Variants in IQCE observed in about 807,000 individuals in gnomAD.
IQCE encodes IQ domain-containing protein E.
IQCE carries 115 observed loss-of-function variants against 96.0 expected under a neutral mutation model. The observed-to-expected ratio is 1.20, with a 90% CI of 1.03 to 1.40. The LOEUF is 1.40. Among genes scored for constraint, IQCE ranks in the 40% most tolerant of loss-of-function variants. IQCE has a pLI of 0.00. For missense variants in IQCE, 1,041 were observed against 909.1 expected (o/e 1.15, Z -1.87); for synonymous variants, 412 against 371.2 (o/e 1.11, Z -1.26).
At chr7:2,600,290 G>A (rs539984957) in intron 17 of IQCE, among the ~76,000 whole-genome samples, 2 of 152,296 alleles carry the variant, frequency 1.3e-5, no homozygotes, top group African/African-American at 2.4e-5. Flanking sequence ...GTCTCACGTC[G>A]AGGCTGTGTA....
chr7:2,584,360 T>C, intron 11 of IQCE, 75 bp downstream of exon 11: 1 of 1,391,320 alleles, frequency 7.2e-7, no homozygotes, highest in Non-Finnish European at 1.0e-6. Flanking sequence ...AATGTGTGGC[T>C]GTCACGTGGG....
Position 2,598,611 on chromosome 7 carries a change from G to T in IQCE, c.1587G>T (p.Gln529His), listed in dbSNP as rs1158730650. Residue 529 changes from glutamine to histidine, a missense_variant, in exon 17 of 22, where the codon CAG becomes CAT. Physicochemically the swap from Gln to His is conservative, Grantham distance 24 (BLOSUM62 0). Transcript: ENST00000402050. ...RDAAARVLQAQWKVYKHKKKK... is the reference protein window; with the variant it reads ...RDAAARVLQAHWKVYKHKKKK... Reference sequence around the variant, plus strand: ...CCGCGGCCAGAGTCCTGCAGGCCCAGTGGAAGGTGTACAAGCACAAGGTGA... The same window carrying T: ...CCGCGGCCAGAGTCCTGCAGGCCCATTGGAAGGTGTACAAGCACAAGGTGA... The T allele has an allele frequency of 6.3e-7, 1 of 1,581,428 alleles. No individual in the cohort carries two copies. Among genetic ancestry groups the T allele is most frequent in the African/African-American group, 1.4e-5 (1 of 73,574 alleles).
chr7:2,604,657 G>A (rs1303523079), intron 18 of IQCE, among the ~76,000 whole-genome samples: 1 of 152,198 alleles, frequency 6.6e-6, no homozygotes, highest in Non-Finnish European at 1.5e-5. Context: ...CCACTGTGCT[G>A]ACAGGTGCCA....
Position 2,605,912 on chromosome 7 carries a change from C to T in IQCE, c.1780C>T (p.Gln594Ter), listed in dbSNP as rs752730275. 21 of 1,608,186 alleles carry T rather than the reference C, an allele frequency of 1.3e-5. No individual in the cohort carries two copies. The highest frequency in any genetic ancestry group is 1.7e-5 in the Non-Finnish European group (20 of 1,178,112). The change falls in exon 20 of 22, where the codon CAG becomes TAG. Residue 594 changes from glutamine (Q) to a stop codon, truncating the protein, a stop_gained. Transcript: ENST00000402050. LOFTEE classifies it high-confidence loss of function. ...PVPRVPSPIA[Q>*]ATGSPVQEEA... is the part of the protein sequence containing the mutation. ...GCCCCGCGTTCCGAGCCCCATCGCC[C>T]AGGCCACGGGCAGCCCTGTGCAGGA...
At chr7:2,587,046 A>G (rs1347480977) in intron 12 of IQCE, among the ~76,000 whole-genome samples, 1 of 152,200 alleles carries the variant, frequency 6.6e-6, no homozygotes, top group African/African-American at 2.4e-5. Flanking sequence ...TGGGGGCAGC[A>G]GTGGGTGTGG....
At chr7:2,567,081 C>T (rs768173791) in intron 1 of IQCE, 35 bp from the exon 2 acceptor site, 1 of 1,595,466 alleles carries the variant, frequency 6.3e-7, no homozygotes. Context: ...CCAGCAGGTG[C>T]CGTCGAGTTA....
intron 1 of IQCE, among the ~76,000 whole-genome samples, chr7:2,560,685 C>T (rs1395677044): frequency 4.0e-5 from 6 of 150,518 alleles, no homozygotes; most frequent in South Asian, 2.3e-4. Flanking sequence ...TGGCCGGGCA[C>T]GGCGGCTCAT....
chr7:2,572,878 C>T, intron 5 of IQCE: 1 of 380,342 alleles, frequency 2.6e-6, no homozygotes, highest in Non-Finnish European at 5.1e-6. Flanking sequence ...ACCTATCCTC[C>T]TTAAGGAAGA....
intron 21 of IQCE, among the ~76,000 whole-genome samples, chr7:2,609,789 G>A (rs1279252220): frequency 1.3e-5 from 2 of 151,876 alleles, no homozygotes; most frequent in African/African-American, 4.8e-5. Flanking sequence ...CTTTCTGGCA[G>A]GTGTGTAAGT....
At chr7:2,583,817 GCGGCGGGGCGGGCACCGAGC>G (rs1782873089) in intron 10 of IQCE, 108 bp downstream of exon 10, 2 of 109,430 alleles carry the variant, frequency 1.8e-5, no homozygotes, top group African/African-American at 7.0e-5. Flanking sequence ...ACCGTGCTGG[GCGGCGGGGCGGGCACCGAGC>G]TGGGCGGCGG....
At chr7:2,596,780 G>A (rs1158183284) in intron 16 of IQCE, 28 of 348,258 alleles carry the variant, frequency 8.0e-5, no homozygotes, top group African/African-American at 1.1e-4. Context: ...TCACTTTAGC[G>A]GAACAGAGGC....
intron 18 of IQCE, among the ~76,000 whole-genome samples, 192 bp from the exon 19 acceptor site, chr7:2,604,689 C>T (rs1021349899): frequency 3.9e-5 from 6 of 152,200 alleles, no homozygotes; most frequent in Non-Finnish European, 7.3e-5. Flanking sequence ...CTCCCTGGGG[C>T]GCCAGTGAGT....
rs1329404382 is a variant in IQCE, at chr7:2,578,291, G to C, written c.515G>C (p.Arg172Pro). ...SDVDLMRTKL[R>P]RLEEENSRKD... ...GTGGACCTGATGAGAACGAAGCTCCGGCGCCTGGAGGAGGAAAACAGCAGG... is the reference window on the plus strand; with the variant it reads ...GTGGACCTGATGAGAACGAAGCTCCCGCGCCTGGAGGAGGAAAACAGCAGG... Residue 172 changes from arginine (R) to proline (P), a missense_variant, in exon 7 of 22, where the codon CGG (arginine) becomes CCG (proline). By Grantham distance (103) the Arg-to-Pro change is moderately radical. Coordinates refer to ENST00000402050, the MANE Select transcript of IQCE (RefSeq NM_152558.5). The C allele has an allele frequency of 7.4e-6, 12 of 1,613,964 alleles. No homozygotes were observed. The highest frequency in any genetic ancestry group is 3.3e-5 in the Admixed American group (2 of 60,008).
Position 2,598,521 on chromosome 7 carries a change from G to A in IQCE, c.1497G>A (p.Pro499=), listed in dbSNP as rs374670751. 1.0e-4 allele frequency: 162 copies of A among 1,610,716 alleles called. No homozygotes were observed. The highest frequency in any genetic ancestry group is 5.0e-4 in the Middle Eastern group (3 of 6,044). ...GCAGGCACTGCGAGCAAGACTGGCC[G>A]CCGGATTCCAGCGAGGAGGGGCTCC... ...PSSRHCEQDW[P]PDSSEEGLPR... Residue 499 remains proline, a synonymous_variant, in exon 17 of 22, where the codon CCG becomes CCA. Coordinates refer to ENST00000402050, the MANE Select transcript of IQCE (RefSeq NM_152558.5).
At chr7:2,578,569 A>T (rs761019023) in intron 8 of IQCE, 43 bp downstream of exon 8, 1 of 1,605,336 alleles carries the variant, frequency 6.2e-7, no homozygotes, top group African/African-American at 1.3e-5. Context: ...CCCAGACGCT[A>T]GTTACTGGGG....
chr7:2,571,125 C>T (rs567884426), intron 3 of IQCE, among the ~76,000 whole-genome samples: 2 of 152,254 alleles, frequency 1.3e-5, no homozygotes, highest in South Asian at 4.1e-4. Context: ...TCAAGAGATC[C>T]TCCTGCCTCA....
At chr7:2,597,626 A>G (rs117939434) in intron 16 of IQCE, among the ~76,000 whole-genome samples, 2,147 of 152,258 alleles carry the variant, frequency 0.014, 22 homozygotes, top group Non-Finnish European at 0.023. Flanking sequence ...GTAGTGTCCT[A>G]TGGATGATAC....
Position 2,568,898 on chromosome 7 carries a change from G to A in IQCE, c.85-56G>A, listed in dbSNP as rs555132443. 6.3e-5 allele frequency: 95 copies of A among 1,502,840 alleles called. No individual in the cohort carries two copies. The South Asian group carries it at 9.0e-4, about 14-fold the overall frequency. 93.1% of individuals were successfully genotyped at this position (1,502,840 alleles called of 1,614,324 possible). A position where few individuals can be genotyped will look rare whatever the true frequency, so the allele number is the denominator to read the frequency against. On this transcript the variant is annotated intron_variant, in intron 2 of 21. Coordinates refer to ENST00000402050, the MANE Select transcript of IQCE (RefSeq NM_152558.5). ...CCCTTTCTGAACATGGTAGGGTCTT[G>A]TGATGCACCACTGTGGGAGCTCAGC...
intron 13 of IQCE, among the ~76,000 whole-genome samples, chr7:2,589,582 C>G (rs1012669195): frequency 6.6e-6 from 1 of 152,072 alleles, no homozygotes; most frequent in Non-Finnish European, 1.5e-5. Flanking sequence ...GTCGGCAGTT[C>G]CAGGGGACAG....
Sources: allele counts gnomAD v4.1 joint callset (sites outside exome capture counted in the v4.1 genomes callset), GRCh38; gene constraint gnomAD v4.1.1; transcripts MANE v1.5; gene names NCBI Gene and HGNC (gene_info 2026-07-23, HGNC 2026-07-21).